Variants in SLC67A1 observed in about 807,000 individuals in gnomAD.
SLC67A1 encodes the protein solute carrier family 67 member A1.
At chr11:2,914,774 T>G in the SLC67A1 span, 1 of 985,408 alleles carries the variant, frequency 1.0e-6, no homozygotes, top group South Asian at 4.7e-5. Context: ...AGGCAGGTTT[T>G]GCCCCTGCCC....
chr11:2,922,537 T>C, the SLC67A1 span: 2 of 1,612,700 alleles, frequency 1.2e-6, no homozygotes, highest in Non-Finnish European at 1.7e-6. Context: ...TGATCAAGGC[T>C]GTCTCCACCT....
the SLC67A1 span, chr11:2,919,481 C>T: frequency 9.4e-5 from 104 of 1,105,076 alleles, 2 homozygotes; most frequent in African/African-American, 1.3e-3. Context: ...AGAGTAGAGG[C>T]TCCTCCCCGG....
the SLC67A1 span, chr11:2,902,371 G>A: frequency 1.9e-5 from 3 of 156,332 alleles, no homozygotes; most frequent in African/African-American, 7.2e-5. Context: ...GCAGGTACTC[G>A]AGCACACTCC....
chr11:2,919,516 C>A, the SLC67A1 span: 1 of 781,058 alleles, frequency 1.3e-6, no homozygotes, highest in Non-Finnish European at 2.2e-6. Flanking sequence ...CCCTTGGCCT[C>A]CCATCTGGCA....
At chr11:2,915,054 G>C in the SLC67A1 span, 2 of 985,422 alleles carry the variant, frequency 2.0e-6, no homozygotes, top group Non-Finnish European at 2.4e-6. Flanking sequence ...AGGAGTCGGA[G>C]CTGCCCTGAT....
At chr11:2,908,583 T>C in the SLC67A1 span, among the ~76,000 whole-genome samples, 1 of 152,204 alleles carries the variant, frequency 6.6e-6, no homozygotes, top group Admixed American at 6.5e-5. Context: ...ACCTCGTGGC[T>C]GTAAGCACCA....
At chr11:2,922,111 G>T in the SLC67A1 span, 23 of 1,612,770 alleles carry the variant, frequency 1.4e-5, no homozygotes, top group Non-Finnish European at 2.0e-5. Context: ...GGTGACCCAG[G>T]GCCTGGTCAT....
chr11:2,925,238 T>A, the SLC67A1 span: 1 of 1,577,406 alleles, frequency 6.3e-7, no homozygotes, highest in Non-Finnish European at 8.7e-7. This position sits in a 1 kb window ranked among gnomAD's most constrained non-coding sequence, Gnocchi z 6.5. Context: ...TCCTACTAAA[T>A]CCCTCCGACC....
At chr11:2,911,956 C>A in the SLC67A1 span, among the ~76,000 whole-genome samples, 4 of 152,226 alleles carry the variant, frequency 2.6e-5, no homozygotes, top group African/African-American at 9.7e-5. Context: ...TCCATTCATC[C>A]CAAGATCTGA....
At chr11:2,919,368 A>T in the SLC67A1 span, 2 of 1,613,898 alleles carry the variant, frequency 1.2e-6, no homozygotes, top group East Asian at 4.5e-5. Flanking sequence ...AGGCCGCCCA[A>T]GCTGGCTACC....
At chr11:2,905,394 G>A in the SLC67A1 span, among the ~76,000 whole-genome samples, 1 of 152,166 alleles carries the variant, frequency 6.6e-6, no homozygotes, top group South Asian at 2.1e-4. Context: ...GCAGCAGTGT[G>A]GGGTCAATGG....
At chr11:2,917,899 G>A in the SLC67A1 span, 5 of 997,896 alleles carry the variant, frequency 5.0e-6, no homozygotes, top group South Asian at 3.2e-5. Flanking sequence ...GGCGCAACAG[G>A]GCCCTCCGAA....
chr11:2,919,081 A>G, the SLC67A1 span: 2 of 549,496 alleles, frequency 3.6e-6, no homozygotes, highest in Non-Finnish European at 6.6e-6. Context: ...TCCTGCTCAC[A>G]GTCCAGAGCT....
the SLC67A1 span, among the ~76,000 whole-genome samples, chr11:2,923,326 A>T: frequency 6.7e-6 from 1 of 149,124 alleles, no homozygotes; most frequent in Non-Finnish European, 1.5e-5. This position sits in a 1 kb window ranked among gnomAD's most constrained non-coding sequence, Gnocchi z 6.5. Context: ...TCTGGGAGGC[A>T]GCAGATCCAG....
chr11:2,920,627 G>C, the SLC67A1 span: 1 of 152,508 alleles, frequency 6.6e-6, no homozygotes, highest in South Asian at 2.1e-4. Flanking sequence ...GTGAGGCATG[G>C]GGACCCCGAC....
At chr11:2,904,349 C>T in the SLC67A1 span, among the ~76,000 whole-genome samples, 1 of 152,208 alleles carries the variant, frequency 6.6e-6, no homozygotes, top group Non-Finnish European at 1.5e-5. Flanking sequence ...CCGGGCCTGG[C>T]AGAGGCTCCC....
At chr11:2,906,725 G>A in the SLC67A1 span, among the ~76,000 whole-genome samples, 1 of 135,624 alleles carries the variant, frequency 7.4e-6, no homozygotes, top group Non-Finnish European at 1.6e-5. Context: ...TGGGGTGGGG[G>A]GAGGGGAGAG....
the SLC67A1 span, among the ~76,000 whole-genome samples, chr11:2,907,092 T>G: frequency 6.0e-5 from 8 of 134,130 alleles, no homozygotes; most frequent in African/African-American, 1.1e-4. This position sits in a 1 kb window ranked among gnomAD's most constrained non-coding sequence, Gnocchi z 6.7. Context: ...GGGTTGGGGA[T>G]GGGGGGGTTA....
At chr11:2,909,269 C>CAGG in the SLC67A1 span, 1 of 1,535,394 alleles carries the variant, frequency 6.5e-7, no homozygotes. Flanking sequence ...CTACCTGCTC[C>CAGG]TGGCGGCCGC....
Sources: gnomAD v4.1 joint callset for allele counts (sites outside exome capture counted in the v4.1 genomes callset) on GRCh38, gnomAD v4.1.1 for gene constraint, Gnocchi (gnomAD v3.1) non-coding constraint, MANE v1.5 for transcripts, NCBI Gene and HGNC (gene_info 2026-07-23, HGNC 2026-07-21) for gene names.